Variants in CCSER1 observed in about 807,000 individuals in gnomAD.
The protein encoded by CCSER1 is coiled-coil serine rich protein 1, also known as serine-rich coiled-coil domain-containing protein 1.
Under a neutral mutation model 82.0 loss-of-function variants are expected in CCSER1, and 41 were observed. The ratio of observed to expected loss-of-function variants is 0.50; its 90% CI spans 0.39 to 0.65. The LOEUF is 0.65. Ranked by LOEUF, CCSER1 falls within the 30% of genes least tolerant of loss-of-function variation. The pLI, the probability that CCSER1 is intolerant of heterozygous loss-of-function variation, is 0.00. For synonymous variants in CCSER1, 414 were observed against 383.9 expected (o/e 1.08, Z -0.92); for missense variants, 1,119 against 1,064.2 (o/e 1.05, Z -0.72).
chr4:91,488,562 G>A (rs748458623), intron 10 of CCSER1, among the ~76,000 whole-genome samples: 1 of 152,130 alleles, frequency 6.6e-6, no homozygotes, highest in Non-Finnish European at 1.5e-5. Context: ...GCTGTTCTCA[G>A]GATAGTGAGT....
intron 1 of CCSER1, among the ~76,000 whole-genome samples, chr4:90,155,515 CT>C (rs957346689): frequency 6.6e-6 from 1 of 152,012 alleles, no homozygotes; most frequent in East Asian, 1.9e-4. Flanking sequence ...GTCCTGGACT[CT>C]TTTTGGTTGG....
chr4:91,408,592 G>T (rs968764234), intron 10 of CCSER1, among the ~76,000 whole-genome samples: 1 of 152,100 alleles, frequency 6.6e-6, no homozygotes, highest in Admixed American at 6.5e-5. Context: ...TTATTTGCCT[G>T]CAATCTGATA....
At position 91,362,964 on chromosome 4, in the gene CCSER1, A is replaced by G. The variant is rs539341738; in HGVS notation, c.2218-235608A>G. 2.6e-5 allele frequency among the ~76,000 whole-genome samples: 4 copies of G among 151,868 alleles called. No homozygotes were observed. In the South Asian group the frequency reaches 8.3e-4, roughly 31 times the overall value. On this transcript the variant is annotated intron_variant, in intron 10 of 10. Coordinates refer to ENST00000509176, the MANE Select transcript of CCSER1 (RefSeq NM_001145065.2). Reference sequence around the variant, plus strand: ...CCTGAAAAAGCCTGTTACCCTTAACATTTTAAACAAACAATCCAAGCTCAG... The same window carrying G: ...CCTGAAAAAGCCTGTTACCCTTAACGTTTTAAACAAACAATCCAAGCTCAG...
intron 9 of CCSER1, among the ~76,000 whole-genome samples, chr4:91,015,729 A>G (rs548322963): frequency 2.0e-5 from 3 of 152,006 alleles, no homozygotes; most frequent in Non-Finnish European, 4.4e-5. Flanking sequence ...AAAAAATATT[A>G]ATCCTTAATT....
intron 10 of CCSER1, among the ~76,000 whole-genome samples, chr4:91,160,585 A>G (rs1027239947): frequency 6.6e-6 from 1 of 152,124 alleles, no homozygotes; most frequent in African/African-American, 2.4e-5. Flanking sequence ...AATGATCTCC[A>G]TTCTAACTGG....
chr4:90,831,604 A>T (rs1761119028), intron 8 of CCSER1, among the ~76,000 whole-genome samples: 1 of 152,166 alleles, frequency 6.6e-6, no homozygotes. Context: ...CATCCATCTG[A>T]TGTAATTGAA....
At position 90,789,349 on chromosome 4, in the gene CCSER1, TTTTG is replaced by T. The variant is rs1754932596; in HGVS notation, c.2011-26405_2011-26402del. ...GTGACACCCTAATTTATTTTTTCTC[TTTTG>T]TTTGTTTTCATTTTTCTTCACAATC... is the stretch of plus-strand genomic sequence containing the variant. On this transcript the variant is annotated intron_variant, in intron 7 of 10. Transcript: ENST00000509176. 2.0e-5 allele frequency among the ~76,000 whole-genome samples: 3 copies of T among 152,220 alleles called. No individual in the cohort carries two copies. The South Asian group carries it at 6.2e-4, about 31-fold the overall frequency.
At chr4:91,298,146 G>T (rs1744366008) in intron 10 of CCSER1, among the ~76,000 whole-genome samples, 1 of 151,936 alleles carries the variant, frequency 6.6e-6, no homozygotes. Context: ...TACAGTAAAG[G>T]GGCTATCAAG....
chr4:90,734,723 G>A (rs1745369141), intron 7 of CCSER1, among the ~76,000 whole-genome samples: 1 of 152,006 alleles, frequency 6.6e-6, no homozygotes, highest in African/African-American at 2.4e-5. Flanking sequence ...TTTTTTTGGT[G>A]GAGTCTTTAG....
intron 9 of CCSER1, among the ~76,000 whole-genome samples, chr4:90,949,776 T>C (rs1017024986): frequency 3.9e-5 from 6 of 152,102 alleles, no homozygotes; most frequent in Non-Finnish European, 8.8e-5. Context: ...TGATTCTAAG[T>C]AGCAGACTCT....
At chr4:91,037,232 T>TCTCACACA (rs34883358) in intron 9 of CCSER1, among the ~76,000 whole-genome samples, 14 of 146,318 alleles carry the variant, frequency 9.6e-5, no homozygotes, top group Non-Finnish European at 1.7e-4. Context: ...TCTATCTCTG[T>TCTCACACA]CACACACACA....
At chr4:90,553,874 A>T (rs745419482) in intron 5 of CCSER1, among the ~76,000 whole-genome samples, 4 of 152,358 alleles carry the variant, frequency 2.6e-5, no homozygotes, top group African/African-American at 9.6e-5. Flanking sequence ...GTGCAATGAA[A>T]AAAGACTGTC....
intron 10 of CCSER1, among the ~76,000 whole-genome samples, chr4:91,592,281 G>A (rs73836293): frequency 0.1 from 15,537 of 152,056 alleles, 817 homozygotes; most frequent in Middle Eastern, 0.16. Context: ...ATCTGATCTC[G>A]TGAGAACTCA....
intron 5 of CCSER1, among the ~76,000 whole-genome samples, chr4:90,531,446 C>T (rs1774518069): frequency 6.8e-6 from 1 of 147,428 alleles, no homozygotes; most frequent in Non-Finnish European, 1.5e-5. Context: ...CAAGCTGTTA[C>T]TCACCAGGTG....
chr4:90,571,589 C>T (rs1265925184), intron 5 of CCSER1, among the ~76,000 whole-genome samples: 1 of 151,952 alleles, frequency 6.6e-6, no homozygotes, highest in African/African-American at 2.4e-5. Context: ...AACAGAGACT[C>T]CAAAATGAGG....
At chr4:91,481,470 G>A (rs1368842202) in intron 10 of CCSER1, among the ~76,000 whole-genome samples, 1 of 151,932 alleles carries the variant, frequency 6.6e-6, no homozygotes, top group Non-Finnish European at 1.5e-5. Flanking sequence ...TACCCTAATG[G>A]CCTGTTTAAG....
chr4:91,511,352 C>T (rs1443936871), intron 10 of CCSER1, among the ~76,000 whole-genome samples: 1 of 152,014 alleles, frequency 6.6e-6, no homozygotes, highest in Non-Finnish European at 1.5e-5. Flanking sequence ...CATTCTAGTT[C>T]TGTGATAAAT....
At chr4:91,189,183 A>G (rs911902786) in intron 10 of CCSER1, among the ~76,000 whole-genome samples, 12 of 152,054 alleles carry the variant, frequency 7.9e-5, no homozygotes, top group African/African-American at 1.7e-4. Context: ...AAAACTTACC[A>G]TAGCCTTAGC....
At chr4:91,299,277 A>G (rs1744468698) in intron 10 of CCSER1, among the ~76,000 whole-genome samples, 1 of 152,032 alleles carries the variant, frequency 6.6e-6, no homozygotes, top group African/African-American at 2.4e-5. Flanking sequence ...TTTGTGAGGT[A>G]CAAATGGTAT....
Sources: allele counts gnomAD v4.1 joint callset (sites outside exome capture counted in the v4.1 genomes callset), GRCh38; gene constraint gnomAD v4.1.1; transcripts MANE v1.5; gene names NCBI Gene and HGNC (gene_info 2026-07-23, HGNC 2026-07-21).